Variants in KLHL29 observed in about 807,000 individuals in gnomAD.
The protein encoded by KLHL29 is kelch-like protein 29.
KLHL29 carries 21 observed loss-of-function variants against 80.4 expected under a neutral mutation model. That is an observed-to-expected ratio of 0.26 (90% CI 0.19 to 0.38). KLHL29 has a LOEUF of 0.38. Ranked by LOEUF, KLHL29 falls within the 10% of genes least tolerant of loss-of-function variation. The pLI is 1.00. For missense variants in KLHL29, 867 were observed against 1,223.9 expected, an observed-to-expected ratio of 0.71 and a Z score of 4.35; for synonymous variants, 511 against 526.8, an observed-to-expected ratio of 0.97 and a Z score of 0.41.
At chr2:23,407,584 G>A (rs566803909) in intron 1 of KLHL29, among the ~76,000 whole-genome samples, 13 of 151,524 alleles carry the variant, frequency 8.6e-5, no homozygotes, top group Admixed American at 6.6e-4. Context: ...ATGGTTTCTC[G>A]GTTGTATAGA....
chr2:23,554,732 C>T (rs1667240280), intron 2 of KLHL29, among the ~76,000 whole-genome samples: 1 of 152,180 alleles, frequency 6.6e-6, no homozygotes, highest in Admixed American at 6.5e-5. Flanking sequence ...GGACACTGTT[C>T]CCTCTGCTCC....
chr2:23,387,001 T>C (rs919868342), intron 1 of KLHL29, among the ~76,000 whole-genome samples: 1 of 151,892 alleles, frequency 6.6e-6, no homozygotes, highest in African/African-American at 2.4e-5. Context: ...TGGCGGGCCC[T>C]CGCGCGGGCC....
chr2:23,499,388 T>C lies in KLHL29; in HGVS notation c.-46+23721T>C, dbSNP rs117451010. On this transcript the variant is annotated intron_variant, in intron 2 of 13. Transcript: ENST00000486442. ...ACAGATTAGGGCAACTGGATCAACA[T>C]TGCATTGAAAATACCTGGCTTCTGT... Among the ~76,000 whole-genome samples the C allele has an allele frequency of 1.4e-4, 22 of 152,276 alleles. No individual in the cohort carries two copies. In the East Asian group the frequency reaches 1.5e-3, roughly 11 times the overall value.
At chr2:23,521,138 T>C (rs1262065000) in intron 2 of KLHL29, among the ~76,000 whole-genome samples, 1 of 152,260 alleles carries the variant, frequency 6.6e-6, no homozygotes, top group East Asian at 1.9e-4. Context: ...GCCCCCTGCC[T>C]GCCATGTGGT....
At chr2:23,698,626 GACA>G (rs765408894) in intron 11 of KLHL29, among the ~76,000 whole-genome samples, 41 of 152,252 alleles carry the variant, frequency 2.7e-4, no homozygotes, top group Non-Finnish European at 5.9e-4. Context: ...TATAGATTAA[GACA>G]ACAGCACAAT....
intron 3 of KLHL29, among the ~76,000 whole-genome samples, chr2:23,618,648 G>A (rs1006185149): frequency 5.9e-5 from 9 of 152,132 alleles, no homozygotes; most frequent in African/African-American, 7.2e-5. Flanking sequence ...ACTGCAGATC[G>A]CGGGACTTCT....
chr2:23,489,080 A>G (rs1665016743), intron 2 of KLHL29, among the ~76,000 whole-genome samples: 2 of 152,234 alleles, frequency 1.3e-5, no homozygotes, highest in South Asian at 4.1e-4. Flanking sequence ...GTAGTTTCCA[A>G]CCCCAGCAAT....
intron 1 of KLHL29, among the ~76,000 whole-genome samples, chr2:23,459,606 A>G (rs59454437): frequency 0.21 from 31,596 of 152,180 alleles, 4,983 homozygotes; most frequent in African/African-American, 0.43. Context: ...AAGGGCTTCA[A>G]GCAAGACTTG....
At chr2:23,408,801 T>C (rs2103393571) in intron 1 of KLHL29, among the ~76,000 whole-genome samples, 1 of 152,270 alleles carries the variant, frequency 6.6e-6, no homozygotes, top group East Asian at 1.9e-4. Context: ...GGCCTCTCGT[T>C]GTGTCTTCAC....
intron 1 of KLHL29, among the ~76,000 whole-genome samples, chr2:23,411,787 G>C (rs1450260844): frequency 2.6e-5 from 4 of 152,052 alleles, no homozygotes; most frequent in Non-Finnish European, 4.4e-5. Context: ...GGGTCTCCTC[G>C]GGCTCTTTTG....
intron 3 of KLHL29, among the ~76,000 whole-genome samples, chr2:23,575,300 C>A (rs929788828): frequency 2.0e-4 from 31 of 152,174 alleles, no homozygotes; most frequent in African/African-American, 7.5e-4. Context: ...GGTTATATGT[C>A]TCACCAGCAT....
Position 23,431,039 on chromosome 2 carries a change from C to T in KLHL29, c.-153-44521C>T, listed in dbSNP as rs891640167. 3.3e-5 allele frequency among the ~76,000 whole-genome samples: 5 copies of T among 152,336 alleles called. No individual in the cohort carries two copies. The East Asian group carries it at 5.8e-4, about 18-fold the overall frequency. ...CGGACACAACAGATACTCCTTTCTC[C>T]GTGCTGTGCAGCCTGGAGAGTGTCC... On this transcript the variant is annotated intron_variant, in intron 1 of 13. Transcript: ENST00000486442.
chr2:23,598,651 G>A (rs1236159974), intron 3 of KLHL29, among the ~76,000 whole-genome samples: 1 of 152,222 alleles, frequency 6.6e-6, no homozygotes, highest in Non-Finnish European at 1.5e-5. Context: ...AGACTTCCAG[G>A]CTGCTCATCC....
chr2:23,704,533 G>A (rs112781628), intron 13 of KLHL29, among the ~76,000 whole-genome samples: 8 of 152,316 alleles, frequency 5.3e-5, no homozygotes, highest in East Asian at 3.9e-4. Flanking sequence ...TTGGGAGGCC[G>A]AGGCGGATGG....
intron 13 of KLHL29, among the ~76,000 whole-genome samples, chr2:23,704,093 A>G (rs1672563562): frequency 6.6e-6 from 1 of 152,224 alleles, no homozygotes; most frequent in Admixed American, 6.5e-5. Flanking sequence ...CCCCAGCTCC[A>G]GCAGAAATGA....
At chr2:23,587,571 G>T (rs1266831957) in intron 3 of KLHL29, among the ~76,000 whole-genome samples, 1 of 152,156 alleles carries the variant, frequency 6.6e-6, no homozygotes, top group Non-Finnish European at 1.5e-5. Flanking sequence ...GCGCCCATTT[G>T]TCACTCCATT....
intron 1 of KLHL29, among the ~76,000 whole-genome samples, chr2:23,394,151 G>A (rs965592088): frequency 1.3e-5 from 2 of 152,168 alleles, no homozygotes; most frequent in African/African-American, 4.8e-5. Context: ...ACTGAGAAGT[G>A]GTGAAGAGCG....
In KLHL29 at chr2:23,562,447, T is replaced by C. The variant is rs938977784; in HGVS notation, c.251T>C (p.Leu84Pro). ...TTGSSEAITSLVASSASAVTT... is the reference protein window; with the variant it reads ...TTGSSEAITSPVASSASAVTT... Reference sequence around the variant, plus strand: ...GGCAGCAGCGAGGCCATCACCAGCCTCGTGGCCAGCTCTGCGTCTGCGGTC... The same window carrying C: ...GGCAGCAGCGAGGCCATCACCAGCCCCGTGGCCAGCTCTGCGTCTGCGGTC... Residue 84 changes from leucine to proline, a missense_variant, in exon 3 of 14, where the codon CTC becomes CCC. By Grantham distance (98) the Leu-to-Pro change is moderately conservative. Around this residue, in one of 2 missense-constraint regions of KLHL29, gnomAD observed 424 missense variants for 456.9 expected, o/e 0.93. Coordinates refer to ENST00000486442, the MANE Select transcript of KLHL29 (RefSeq NM_052920.2). This position sits in a 1 kb window ranked among gnomAD's most constrained non-coding sequence, Gnocchi z 4.5. 1.3e-5 allele frequency: 20 copies of C among 1,536,758 alleles called. No homozygotes were observed. The highest frequency in any genetic ancestry group is 1.7e-5 in the Non-Finnish European group (20 of 1,146,768).
rs116920638 is a variant in KLHL29, at chr2:23,533,454, G to A, written c.-45-28698G>A. Among the ~76,000 whole-genome samples, 515 of 152,264 alleles carry A rather than the reference G, an allele frequency of 3.4e-3. 7 individuals are homozygous for A. Among genetic ancestry groups the A allele is most frequent in the Admixed American group, 0.012 (182 of 15,298 alleles). ...CCCAGCAGGATTCATGGCATTTGGC[G>A]TCAGAGAAAACGTGAGCCTCTGCCG... On this transcript the variant is annotated intron_variant, in intron 2 of 13. Transcript: ENST00000486442.
Sources: allele counts gnomAD v4.1 joint callset (sites outside exome capture counted in the v4.1 genomes callset), GRCh38; gene constraint gnomAD v4.1.1; regional missense constraint gnomAD v4.1.1; non-coding constraint Gnocchi (gnomAD v3.1); transcripts MANE v1.5; gene names NCBI Gene and HGNC (gene_info 2026-07-23, HGNC 2026-07-21).